The following KIF23 variants were observed in gnomAD, a reference collection of about 807,000 sequenced individuals.
The protein encoded by KIF23 is kinesin-like protein KIF23.
A neutral mutation model predicts 137.5 loss-of-function variants in KIF23; 30 were observed. The observed-to-expected ratio is 0.22, with a 90% CI of 0.16 to 0.30. KIF23 has a LOEUF of 0.30. KIF23 is among the 10% of genes least tolerant of loss of function. The pLI is 1.00. For missense variants in KIF23, 920 were observed against 1,194.3 expected (o/e 0.77, Z 3.38); for synonymous variants, 367 against 391.1 (o/e 0.94, Z 0.73).
chr15:69,438,763 T>G (rs1382635312), intron 16 of KIF23, among the ~76,000 whole-genome samples: 5 of 151,814 alleles, frequency 3.3e-5, no homozygotes, highest in Non-Finnish European at 7.4e-5. Context: ...ATTGAGCCAC[T>G]GCACTCCAGC....
intron 6 of KIF23, 40 bp downstream of exon 6, chr15:69,422,475 A>AAAAAAAAAAAAAAT: frequency 8.7e-7 from 1 of 1,152,762 alleles, no homozygotes; most frequent in Non-Finnish European, 1.3e-6. Flanking sequence ...GCCTAGGGGC[A>AAAAAAAAAAAAAAT]CAGGATTCTT....
At position 69,435,620 on chromosome 15, in the gene KIF23, C is replaced by T. The variant is rs74506353; in HGVS notation, c.1195-32C>T. The T allele has an allele frequency of 1.4e-3, 2,294 of 1,611,638 alleles. 35 individuals carry two copies. The African/African-American group carries it at 0.025, about 18-fold the overall frequency. On this transcript the variant is annotated intron_variant, in intron 12 of 23. Transcript: ENST00000679126. ...GTTTCATTTGTGTGCATTTTTTTTG[C>T]GTAACACATTTGGATATGAATGTCT... is the stretch of plus-strand genomic sequence containing the variant.
chr15:69,421,644 C>A lies in KIF23; in HGVS notation c.211-3C>A. On this transcript the variant is annotated splice_polypyrimidine_tract_variant and splice_region_variant and intron_variant, in intron 3 of 23. Transcript: ENST00000679126. ...TTTAGTGCATTTTTTTCTCTCTCCA[C>A]AGACTCAGTATTCATTTAAACAAGT... 6.3e-7 allele frequency: 1 copy of A among 1,588,798 alleles called. No individual in the cohort carries two copies.
At chr15:69,436,407 T>C in intron 14 of KIF23, 146 bp downstream of exon 14, 1 of 1,228,844 alleles carries the variant, frequency 8.1e-7, no homozygotes, top group East Asian at 2.4e-5. Flanking sequence ...TTAAATGAGC[T>C]TATTTTGCAT....
rs370442416 is a variant in KIF23, at chr15:69,445,986, G to T, written c.2674-23G>T. On this transcript the variant is annotated intron_variant, in intron 20 of 23. Transcript: ENST00000679126. ...CGTTTGGGTGTATCAATGTGTAACA[G>T]TGACCTTTTCTTTTGGCTTTAGGGT... 11 of 1,544,974 alleles carry T rather than the reference G, an allele frequency of 7.1e-6. No individual in the cohort carries two copies. In the African/African-American group the frequency reaches 1.5e-4, roughly 21 times the overall value.
In KIF23 at chr15:69,435,508, G is replaced by T. The variant is rs556904790; in HGVS notation, c.1140G>T (p.Thr380=). The stretch of plus-strand genomic sequence containing the variant: ...GTAATATTAATCAGTCACTAATGAC[G>T]CTAAGAACATGTATGGATGTCCTAA... ...EAGNINQSLM[T]LRTCMDVLRE... is the part of the protein sequence containing the mutation. The change falls in exon 12 of 24, where the codon ACG becomes ACT. Residue 380 remains threonine, a synonymous_variant. Coordinates refer to ENST00000679126, the MANE Select transcript of KIF23 (RefSeq NM_001367805.3). The T allele has an allele frequency of 1.9e-6, 3 of 1,613,754 alleles. No individual in the cohort carries two copies. The highest frequency in any genetic ancestry group is 2.5e-6 in the Non-Finnish European group (3 of 1,179,756).
At position 69,444,617 on chromosome 15, in the gene KIF23, T is replaced by TA; in HGVS notation, c.2422-170dup. 1 of 639,714 alleles carries TA rather than the reference T, an allele frequency of 1.6e-6. No individual in the cohort carries two copies. Among genetic ancestry groups the TA allele is most frequent in the Non-Finnish European group, 2.6e-6 (1 of 383,496 alleles). 39.6% of individuals were successfully genotyped at this position (639,714 alleles called of 1,614,324 possible). ...GAATGTGTAACATACAAGTTGGTGT[T>TA]AAAGATGTTTGTTGGTTTTGTGTTT... On this transcript the variant is annotated intron_variant, in intron 19 of 23. Transcript: ENST00000679126. This position sits in a 1 kb window ranked among gnomAD's most constrained non-coding sequence, Gnocchi z 4.2.
chr15:69,434,226 C>T (rs1291178701), intron 11 of KIF23, among the ~76,000 whole-genome samples: 1 of 152,166 alleles, frequency 6.6e-6, no homozygotes, highest in Non-Finnish European at 1.5e-5. Flanking sequence ...AACTCTAGAA[C>T]ATTTGGTTTG....
chr15:69,440,484 G>C lies in KIF23; in HGVS notation c.2106G>C (p.Val702=), dbSNP rs1381381522. 6.2e-7 allele frequency: 1 copy of C among 1,604,394 alleles called. No homozygotes were observed. Among genetic ancestry groups the C allele is most frequent in the Non-Finnish European group, 8.5e-7 (1 of 1,176,262 alleles). The change falls in exon 18 of 24, where the codon GTG becomes GTC. Residue 702 remains valine, a synonymous_variant. Coordinates refer to ENST00000679126, the MANE Select transcript of KIF23 (RefSeq NM_001367805.3). ...AAAGATCTGTTTCTCCATCACCTGT[G>C]CCTGTAAGTTATTTGTAATTGTGTA... ...VTQRSVSPSP[V]PLSSNYIAQI...
chr15:69,414,556 A>AGGGGGCAGGCGTCTCCACTCT lies in KIF23; in HGVS notation c.11+82_11+83insGGGCAGGCGTCTCCACTCTGG, dbSNP rs950628372. 3 of 1,379,832 alleles carry AGGGGGCAGGCGTCTCCACTCT rather than the reference A, an allele frequency of 2.2e-6. No individual in the cohort carries two copies. The African/African-American group carries it at 4.5e-5, about 21-fold the overall frequency. The allele number at this position is 1,379,832 out of a possible 1,614,324, so 85.5% of individuals were successfully genotyped here. A position where few individuals can be genotyped will look rare whatever the true frequency, so the allele number is the denominator to read the frequency against. ...GGGCTGGGGGCAGGCGTCTCCACTC[A>AGGGGGCAGGCGTCTCCACTCT]GGCCGCGGCCGTACGCGGGCAGCGC... On this transcript the variant is annotated intron_variant, in intron 1 of 23. Transcript: ENST00000679126.
At chr15:69,420,001 A>G (rs564394703) in intron 3 of KIF23, among the ~76,000 whole-genome samples, 1 of 152,342 alleles carries the variant, frequency 6.6e-6, no homozygotes, top group Admixed American at 6.5e-5. Flanking sequence ...ATGATGGTTT[A>G]CATGTGTAAT....
intron 19 of KIF23, among the ~76,000 whole-genome samples, chr15:69,442,419 C>T (rs1485846600): frequency 6.6e-6 from 1 of 152,172 alleles, no homozygotes; most frequent in African/African-American, 2.4e-5. Context: ...AAAATCTTCA[C>T]AAAGCTCTCT....
At chr15:69,446,228 T>G (rs1310349538) in intron 21 of KIF23, 55 bp from the exon 22 acceptor site, 3 of 1,528,028 alleles carry the variant, frequency 2.0e-6, no homozygotes, top group African/African-American at 2.7e-5. Flanking sequence ...CTTCTAATAT[T>G]TTTCCTCTTC....
At chr15:69,426,619 C>T (rs1272166046) in intron 10 of KIF23, 162 bp downstream of exon 10, 1 of 688,454 alleles carries the variant, frequency 1.5e-6, no homozygotes, top group East Asian at 2.7e-5. Context: ...TACTTGTGTA[C>T]CTGAGGCAGG....
chr15:69,443,025 T>C (rs2057658638), intron 19 of KIF23, among the ~76,000 whole-genome samples: 1 of 152,216 alleles, frequency 6.6e-6, no homozygotes, highest in South Asian at 2.1e-4. Flanking sequence ...AGAAAACCTT[T>C]GTTTTTGCTA....
At chr15:69,427,568 G>A (rs2057232057) in intron 10 of KIF23, 1 of 419,670 alleles carries the variant, frequency 2.4e-6, no homozygotes, top group Non-Finnish European at 4.7e-6. Context: ...TATAGTTTAG[G>A]AAGTGGCTAG....
chr15:69,423,204 A>T lies in KIF23; in HGVS notation c.609A>T (p.Glu203Asp). Reference sequence around the variant, plus strand: ...TTGCAGATATGATAACTGTACAAGAATTCTGCAAAGCAGAAGAGGTTGATG... The same window carrying T: ...TTGCAGATATGATAACTGTACAAGATTTCTGCAAAGCAGAAGAGGTTGATG... ...PEFADMITVQ[E>D]FCKAEEVDED... is the part of the protein sequence containing the mutation. The change falls in exon 7 of 24, where the codon GAA becomes GAT. Residue 203 changes from glutamate to aspartate, a missense_variant. This residue lies in a region of KIF23 where 714 missense variants were observed against 866.2 expected (regional missense o/e 0.82). Transcript: ENST00000679126. The T allele has an allele frequency of 6.2e-7, 1 of 1,603,688 alleles. No homozygotes were observed. Among genetic ancestry groups the T allele is most frequent in the Non-Finnish European group, 8.5e-7 (1 of 1,174,250 alleles).
chr15:69,437,326 A>G lies in KIF23; in HGVS notation c.1597+604A>G, dbSNP rs74020691. 3.5e-3 allele frequency among the ~76,000 whole-genome samples: 530 copies of G among 152,280 alleles called. 2 individuals are homozygous for G. The highest frequency in any genetic ancestry group is 0.012 in the African/African-American group (486 of 41,556). On this transcript the variant is annotated intron_variant, in intron 15 of 23. Coordinates refer to ENST00000679126, the MANE Select transcript of KIF23 (RefSeq NM_001367805.3). ...AAATATTTTTTAGTTTCCCCTGTCTACATAGTGGGGATTGTAATTGTTTCT... is the reference window on the plus strand; with the variant it reads ...AAATATTTTTTAGTTTCCCCTGTCTGCATAGTGGGGATTGTAATTGTTTCT...
In KIF23 at chr15:69,421,761, T is replaced by C. The variant is rs2057063316; in HGVS notation, c.316+9T>C. The C allele has an allele frequency of 1.9e-6, 3 of 1,576,398 alleles. No individual in the cohort carries two copies. The highest frequency in any genetic ancestry group is 2.6e-6 in the Non-Finnish European group (3 of 1,147,680). On this transcript the variant is annotated intron_variant, in intron 4 of 23. Transcript: ENST00000679126. ...CATTCATGGCAAAAATGGTATGATATGACTCTTGGAGTTTTGTTAGATTTT... is the reference window on the plus strand; with the variant it reads ...CATTCATGGCAAAAATGGTATGATACGACTCTTGGAGTTTTGTTAGATTTT...
Sources: gnomAD v4.1 joint callset for allele counts (sites outside exome capture counted in the v4.1 genomes callset) on GRCh38, gnomAD v4.1.1 for gene constraint, gnomAD v4.1.1 regional missense constraint, Gnocchi (gnomAD v3.1) non-coding constraint, MANE v1.5 for transcripts, NCBI Gene and HGNC (gene_info 2026-07-23, HGNC 2026-07-21) for gene names.